The following ATM variants were observed in gnomAD, a reference collection of about 807,000 sequenced individuals.
ATM encodes ATM serine/threonine kinase.
ATM carries 308 observed loss-of-function variants against 387.0 expected under a neutral mutation model. That is an observed-to-expected ratio of 0.80 (90% CI 0.73 to 0.87). The LOEUF (loss-of-function observed/expected upper bound fraction) is 0.87, where lower values mean the gene tolerates loss of function less well. Ranked by LOEUF, ATM falls within the 40% of genes least tolerant of loss-of-function variation. The pLI is 0.00. For missense variants in ATM, 3,312 were observed against 3,560.9 expected (o/e 0.93, Z 1.78); for synonymous variants, 1,156 against 1,187.3 (o/e 0.97, Z 0.54).
At chr11:108,318,902 G>T (rs940843713) in intron 43 of ATM, among the ~76,000 whole-genome samples, 1 of 151,934 alleles carries the variant, frequency 6.6e-6, no homozygotes, top group South Asian at 2.1e-4. Flanking sequence ...TTGGCCGAGC[G>T]CGGTGGCTCA....
intron 22 of ATM, among the ~76,000 whole-genome samples, chr11:108,277,306 T>C (rs2081996221): frequency 6.6e-6 from 1 of 152,120 alleles, no homozygotes; most frequent in Non-Finnish European, 1.5e-5. Context: ...CTGGTCTCCA[T>C]GGGGGTGGGA....
intron 1 of ATM, chr11:108,223,795 A>G (rs1001933808): frequency 6.6e-6 from 1 of 152,256 alleles, no homozygotes; most frequent in African/African-American, 2.4e-5. Context: ...GAGACTATCA[A>G]TTCAGTTTGT....
intron 56 of ATM, among the ~76,000 whole-genome samples, chr11:108,342,645 G>T (rs2087728921): frequency 6.6e-6 from 1 of 151,602 alleles, no homozygotes; most frequent in South Asian, 2.1e-4. Flanking sequence ...TGGATAAAAG[G>T]GTATCTGTTA....
intron 13 of ATM, among the ~76,000 whole-genome samples, chr11:108,255,247 A>G (rs1373265775): frequency 6.6e-6 from 1 of 152,054 alleles, no homozygotes; most frequent in Non-Finnish European, 1.5e-5. Context: ...GTGCCTCTTT[A>G]TGATCTTTAC....
rs554536524 is a variant in ATM, at chr11:108,274,714, T to A, written c.3284+1862T>A. ...TTCTTAATCCTCAGTTCTAATTTGA[T>A]TGCACTGTGATCTGAGAGACTGTTA... On this transcript the variant is annotated intron_variant, in intron 22 of 62. Transcript: ENST00000675843. 7.2e-5 allele frequency among the ~76,000 whole-genome samples: 11 copies of A among 152,336 alleles called. 1 individual carries two copies. The South Asian group carries it at 2.3e-3, about 32-fold the overall frequency.
chr11:108,229,098 T>A (rs1221793778), intron 3 of ATM, 80 bp from the exon 4 acceptor site: 1 of 1,444,424 alleles, frequency 6.9e-7, no homozygotes, highest in Non-Finnish European at 9.5e-7. Context: ...TTGCTCTTTG[T>A]GATGGCATGA....
intron 61 of ATM, among the ~76,000 whole-genome samples, chr11:108,363,820 G>T (rs2091056386): frequency 6.6e-6 from 1 of 152,032 alleles, no homozygotes; most frequent in Non-Finnish European, 1.5e-5. Context: ...ACAAGCCCTT[G>T]GTTTTGAAGT....
intron 32 of ATM, among the ~76,000 whole-genome samples, chr11:108,296,590 A>T (rs921355747): frequency 4.6e-5 from 7 of 152,178 alleles, no homozygotes; most frequent in African/African-American, 1.7e-4. Flanking sequence ...TACTCTCAGT[A>T]CTTTTTAAAA....
chr11:108,256,814 A>C (rs1268525120), intron 14 of ATM, among the ~76,000 whole-genome samples: 1 of 152,172 alleles, frequency 6.6e-6, no homozygotes, highest in Non-Finnish European at 1.5e-5. Flanking sequence ...GATGGTTTCC[A>C]GCTTCATCCA....
At chr11:108,261,610 G>A (rs1215557395) in intron 16 of ATM, among the ~76,000 whole-genome samples, 1 of 152,156 alleles carries the variant, frequency 6.6e-6, no homozygotes, top group Non-Finnish European at 1.5e-5. Flanking sequence ...TTCCTCACCA[G>A]CAACGGAACA....
At position 108,223,148 on chromosome 11, in the gene ATM, C is replaced by T. The variant is rs890781310; in HGVS notation, c.-69C>T. On this transcript the variant is annotated 5_prime_UTR_variant, in exon 1 of 63. Coordinates refer to ENST00000675843, the MANE Select transcript of ATM (RefSeq NM_000051.4). ...GAGTCGGGATCTGCGCTGCAGCCAC[C>T]GCCGCGGTTGATACTACTTTGACCT... 4 of 174,086 alleles carry T rather than the reference C, an allele frequency of 2.3e-5. No individual in the cohort carries two copies. Among genetic ancestry groups the T allele is most frequent in the Admixed American group, 5.6e-5 (1 of 17,924 alleles). The allele number at this position is 174,086 out of a possible 1,614,324, so 10.8% of individuals were successfully genotyped here.
At chr11:108,280,946 T>A (rs2135663725) in intron 23 of ATM, 49 bp from the exon 24 acceptor site, 1 of 1,530,470 alleles carries the variant, frequency 6.5e-7, no homozygotes, top group Non-Finnish European at 8.9e-7. Flanking sequence ...TAATTGATTG[T>A]TAAACATTTA....
At chr11:108,353,702 T>TCTAA in intron 59 of ATM, 64 bp from the exon 60 acceptor site, 2 of 1,336,164 alleles carry the variant, frequency 1.5e-6, no homozygotes, top group Non-Finnish European at 2.2e-6. Context: ...AAGTTCACAT[T>TCTAA]CTAACTGGAA....
chr11:108,335,500 A>C (rs569056127), intron 55 of ATM, among the ~76,000 whole-genome samples: 2 of 152,118 alleles, frequency 1.3e-5, no homozygotes, highest in African/African-American at 4.8e-5. Context: ...AAAAAGGGAG[A>C]GCATTCTTCC....
chr11:108,295,517 G>A (rs1414259309), intron 32 of ATM: 1 of 168,270 alleles, frequency 5.9e-6, no homozygotes, highest in African/African-American at 2.4e-5. Flanking sequence ...TTTATTTTTT[G>A]TAGGGACAGG....
chr11:108,365,448 GC>G lies in ATM; in HGVS notation c.9112del (p.Gln3038ArgfsTer3), dbSNP rs587779878. On this transcript the variant is annotated frameshift_variant, in exon 63 of 63. Transcript: ENST00000675843. LOFTEE classifies it high-confidence loss of function. ...VGGQVNLLIQ[Q>X]AIDPKNLSRL... ...GTGGACAAGTGAATTTGCTCATACA[GC>G]AGGCCATAGACCCCAAAAATCTCAG... is the stretch of plus-strand genomic sequence containing the variant. 6.2e-7 allele frequency: 1 copy of G among 1,614,190 alleles called. No individual in the cohort carries two copies. The highest frequency in any genetic ancestry group is 8.5e-7 in the Non-Finnish European group (1 of 1,180,040).
intron 59 of ATM, among the ~76,000 whole-genome samples, chr11:108,348,552 G>A (rs570215126): frequency 1.4e-3 from 210 of 151,952 alleles, no homozygotes; most frequent in South Asian, 6.9e-3. Context: ...GGAATAGACA[G>A]TTTAATATAT....
intron 61 of ATM, among the ~76,000 whole-genome samples, chr11:108,361,402 C>T (rs1271410227): frequency 1.3e-5 from 2 of 151,630 alleles, no homozygotes; most frequent in East Asian, 1.9e-4. Context: ...AATGGCATCC[C>T]CATCAAGCTA....
At chr11:108,305,707 A>G (rs1298368381) in intron 37 of ATM, among the ~76,000 whole-genome samples, 2 of 152,230 alleles carry the variant, frequency 1.3e-5, no homozygotes, top group African/African-American at 2.4e-5. Context: ...CTTCTATGAC[A>G]TATAATGGGT....
Sources: allele counts gnomAD v4.1 joint callset (sites outside exome capture counted in the v4.1 genomes callset), GRCh38; gene constraint gnomAD v4.1.1; transcripts MANE v1.5; gene names NCBI Gene and HGNC (gene_info 2026-07-23, HGNC 2026-07-21).